The following RIOX2 variants were observed in gnomAD, a reference collection of about 807,000 sequenced individuals.
RIOX2 encodes ribosomal oxygenase 2.
In RIOX2, 43 loss-of-function variants were observed where a neutral mutation model predicts 51.2. The observed-to-expected ratio is 0.84, with a 90% CI of 0.66 to 1.08. The LOEUF (loss-of-function observed/expected upper bound fraction) is 1.08, where lower values mean the gene tolerates loss of function less well. Ranked by LOEUF, RIOX2 falls within the 50% of genes least tolerant of loss-of-function variation. The probability of loss-of-function intolerance (pLI) is 0.00; values close to 1 mark genes in which losing one functional copy is unlikely to be tolerated. For synonymous variants in RIOX2, 226 were observed against 218.5 expected (o/e 1.03, Z -0.30); for missense variants, 566 against 561.7 (o/e 1.01, Z -0.08).
intron 4 of RIOX2, among the ~76,000 whole-genome samples, chr3:97,958,119 A>G (rs1036542372): frequency 2.6e-5 from 4 of 152,214 alleles, no homozygotes; most frequent in African/African-American, 9.6e-5. Context: ...CTAAACAGCA[A>G]GATTGTTTCC....
At chr3:97,952,456 A>T (rs1386148854) in intron 5 of RIOX2, among the ~76,000 whole-genome samples, 1 of 152,224 alleles carries the variant, frequency 6.6e-6, no homozygotes, top group African/African-American at 2.4e-5. Context: ...CCTTAGCAGA[A>T]GCAAAAGCTA....
Position 97,943,192 on chromosome 3 carries a change from C to CAAAT in RIOX2, c.*1988_*1991dup. 3 of 1,283,150 alleles carry CAAAT rather than the reference C, an allele frequency of 2.3e-6. No individual in the cohort carries two copies. 79.5% of individuals were successfully genotyped at this position (1,283,150 alleles called of 1,614,324 possible). A position where few individuals can be genotyped will look rare whatever the true frequency, so the allele number is the denominator to read the frequency against. On this transcript the variant is annotated 3_prime_UTR_variant, in exon 10 of 10. Transcript: ENST00000394198. ...TGAAATTGCTAAGCACCTGCCTGAA[C>CAAAT]AAATAATCTTTTCTTTTGGAATTTC...
chr3:97,970,777 C>G (rs1706096223), intron 1 of RIOX2, among the ~76,000 whole-genome samples: 1 of 152,132 alleles, frequency 6.6e-6, no homozygotes, highest in Non-Finnish European at 1.5e-5. Context: ...TTGGTGACTA[C>G]CCCACAGATA....
intron 1 of RIOX2, 130 bp from the exon 2 acceptor site, chr3:97,967,762 T>A (rs1458359567): frequency 7.9e-6 from 5 of 629,904 alleles, no homozygotes; most frequent in East Asian, 5.6e-5. Context: ...TCAAAGCTAC[T>A]TCCCCCAGGA....
chr3:97,952,095 C>G, intron 5 of RIOX2: 3 of 1,051,294 alleles, frequency 2.9e-6, no homozygotes, highest in Non-Finnish European at 3.9e-6. Context: ...AGCAGACCCC[C>G]AAACACTCCA....
At position 97,945,853 on chromosome 3, in the gene RIOX2, T is replaced by C. The variant is rs1373298181; in HGVS notation, c.1184A>G (p.His395Arg). 1.2e-6 allele frequency: 2 copies of C among 1,610,730 alleles called. No individual in the cohort carries two copies. The highest frequency in any genetic ancestry group is 1.3e-5 in the African/African-American group (1 of 74,926). Residue 395 changes from histidine to arginine, a missense_variant, in exon 9 of 10, where the codon CAT becomes CGT. Transcript: ENST00000394198. ...TGTCTCTCTACTATTCTTTAAGGAA[T>C]GATAGATGTACACCATCTTTTCTTG... The part of the protein sequence containing the change: ...EAQEKMVYIY[H>R]SLKNSRETHM...
chr3:97,958,065 CTGT>C (rs1264635560), intron 4 of RIOX2, among the ~76,000 whole-genome samples: 5 of 152,144 alleles, frequency 3.3e-5, no homozygotes, highest in Non-Finnish European at 7.4e-5. Flanking sequence ...GTTACCTTTA[CTGT>C]TGTTTATTGA....
Position 97,961,611 on chromosome 3 carries a change from G to A in RIOX2, c.530C>T (p.Pro177Leu), listed in dbSNP as rs557077258. 6.8e-5 allele frequency: 109 copies of A among 1,604,480 alleles called. No individual in the cohort carries two copies. The highest frequency in any genetic ancestry group is 8.1e-5 in the African/African-American group (6 of 74,358). Residue 177 changes from proline to leucine, a missense_variant, in exon 3 of 10, where the codon CCG becomes CTG. Coordinates refer to ENST00000394198, the MANE Select transcript of RIOX2 (RefSeq NM_153182.4). ...TACCTCGACATCATCATAATGGGGC[G>A]GCAGGCCCTGAGATCCTGCGGGAGT... ...YITPAGSQGL[P>L]PHYDDVEVFI... is the part of the protein sequence containing the mutation.
rs901928101 is a variant in RIOX2, at chr3:97,942,882, A to G, written c.*2302T>C. The G allele has an allele frequency of 4.0e-6, 1 of 251,060 alleles. No homozygotes were observed. The highest frequency in any genetic ancestry group is 7.4e-6 in the Non-Finnish European group (1 of 134,858). 15.6% of individuals were successfully genotyped at this position (251,060 alleles called of 1,614,324 possible). On this transcript the variant is annotated 3_prime_UTR_variant, in exon 10 of 10. Coordinates refer to ENST00000394198, the MANE Select transcript of RIOX2 (RefSeq NM_153182.4). ...AATATTATTCATGGCTGTTGCTTTA[A>G]TTGGGTTAGTCACAGTTTTGTTGGT...
At chr3:97,964,711 AAAAAAAAAAAG>A (rs1705813453) in intron 2 of RIOX2, among the ~76,000 whole-genome samples, 2 of 147,692 alleles carry the variant, frequency 1.4e-5, no homozygotes, top group East Asian at 2.0e-4. Context: ...AAAAAAAAAA[AAAAAAAAAAAG>A]AAGGAAAGAA....
At chr3:97,951,003 T>C in intron 5 of RIOX2, 115 bp from the exon 6 acceptor site, 1 of 701,536 alleles carries the variant, frequency 1.4e-6, no homozygotes. Flanking sequence ...ATGGCTTCCC[T>C]GTCCAGGCAT....
chr3:97,952,869 T>C (rs889588175), intron 5 of RIOX2, among the ~76,000 whole-genome samples: 4 of 152,126 alleles, frequency 2.6e-5, no homozygotes, highest in Non-Finnish European at 4.4e-5. Context: ...TTTTTCAAAA[T>C]GGAAGCCTAA....
Position 97,949,845 on chromosome 3 carries a change from T to C in RIOX2, c.1059A>G (p.Pro353=). 1 of 1,613,086 alleles carries C rather than the reference T, an allele frequency of 6.2e-7. No individual in the cohort carries two copies. Among genetic ancestry groups the C allele is most frequent in the Middle Eastern group, 1.7e-4 (1 of 5,866 alleles). ...CCAGAAGAAAACAGCAAGCTCCACCTGGTGTTGACAGCTCTGCCCCATCTC... is the reference window on the plus strand; with the variant it reads ...CCAGAAGAAAACAGCAAGCTCCACCCGGTGTTGACAGCTCTGCCCCATCTC... The part of the protein sequence containing the change: ...SAGDGAELST[P]GGKLPRLDSV... Residue 353 remains proline (P), a splice_region_variant and synonymous_variant, in exon 7 of 10, where the codon CCA becomes CCG. Transcript: ENST00000394198.
At chr3:97,968,090 A>G (rs1559766246) in intron 1 of RIOX2, among the ~76,000 whole-genome samples, 1 of 152,144 alleles carries the variant, frequency 6.6e-6, no homozygotes, top group Non-Finnish European at 1.5e-5. Flanking sequence ...AAAAACTAAC[A>G]GCCGCCCACT....
intron 3 of RIOX2, among the ~76,000 whole-genome samples, chr3:97,960,269 C>T (rs1428040794): frequency 1.3e-5 from 2 of 152,124 alleles, no homozygotes; most frequent in Admixed American, 6.5e-5. Flanking sequence ...GCTGTGGCTA[C>T]CCACCATTTC....
intron 6 of RIOX2, among the ~76,000 whole-genome samples, chr3:97,950,535 A>G (rs1705202276): frequency 6.6e-6 from 1 of 152,144 alleles, no homozygotes; most frequent in Admixed American, 6.5e-5. Context: ...CATTTACTCA[A>G]CCAACATTTT....
intron 6 of RIOX2, 119 bp from the exon 7 acceptor site, chr3:97,950,134 C>G: frequency 1.1e-6 from 1 of 925,316 alleles, no homozygotes; most frequent in African/African-American, 1.7e-5. Context: ...CCATGTCATT[C>G]CAAAGGGGAA....
At chr3:97,956,558 G>A (rs529695009) in intron 4 of RIOX2, among the ~76,000 whole-genome samples, 143 of 151,450 alleles carry the variant, frequency 9.4e-4, no homozygotes, top group Admixed American at 6.6e-4. Context: ...ATGCAATGGC[G>A]TGATCTCGGT....
chr3:97,944,627 C>CA lies in RIOX2; in HGVS notation c.*556_*557insT, dbSNP rs2040310325. On this transcript the variant is annotated 3_prime_UTR_variant, in exon 10 of 10. Coordinates refer to ENST00000394198, the MANE Select transcript of RIOX2 (RefSeq NM_153182.4). ...CCTTCAATCTCAGGCTTTTCTCCAT[C>CA]TTTTAAGCAGCCTCTGTAACTCCCT... 6.6e-6 allele frequency: 1 copy of CA among 152,284 alleles called. No homozygotes were observed. Among genetic ancestry groups the CA allele is most frequent in the Admixed American group, 6.6e-5 (1 of 15,188 alleles). 9.4% of individuals were successfully genotyped at this position (152,284 alleles called of 1,614,324 possible).
Sources: allele counts gnomAD v4.1 joint callset (sites outside exome capture counted in the v4.1 genomes callset), GRCh38; gene constraint gnomAD v4.1.1; transcripts MANE v1.5; gene names NCBI Gene and HGNC (gene_info 2026-07-23, HGNC 2026-07-21).